GAK: variants seen among roughly 807,000 people sequenced by gnomAD.
The protein encoded by GAK is cyclin G associated kinase.
GAK carries 79 observed loss-of-function variants against 143.9 expected under a neutral mutation model. The ratio of observed to expected loss-of-function variants is 0.55; its 90% confidence interval spans 0.46 to 0.66. GAK has a LOEUF of 0.66. Ranked by LOEUF, GAK falls within the 30% of genes least tolerant of loss-of-function variation. The pLI, the probability that GAK is intolerant of heterozygous loss-of-function variation, is 0.00. For missense variants in GAK, 1,693 were observed against 1,779.7 expected, an observed-to-expected ratio of 0.95 and a Z score of 0.88; for synonymous variants, 881 against 765.5, an observed-to-expected ratio of 1.15 and a Z score of -2.49.
At position 866,538 on chromosome 4, in the gene GAK, T is replaced by TG; in HGVS notation, c.2873-5dup. 1 of 1,612,786 alleles carries TG rather than the reference T, an allele frequency of 6.2e-7. No individual in the cohort carries two copies. ...AGAAGCGGGCCAAAGGGGTCAGCTGTGGGGACAGGCGGGCATGGGGAGGAC... is the reference window on the plus strand; with the variant it reads ...AGAAGCGGGCCAAAGGGGTCAGCTGTGGGGGACAGGCGGGCATGGGGAGGAC... On this transcript the variant is annotated splice_polypyrimidine_tract_variant and splice_region_variant and intron_variant, in intron 21 of 27. Transcript: ENST00000314167.
intron 19 of GAK, chr4:869,256 T>TGC (rs1476303080): frequency 1.4e-4 from 19 of 139,836 alleles, no homozygotes; most frequent in Non-Finnish European, 2.4e-4. Flanking sequence ...AGATGCAGGG[T>TGC]ACACATGAAT....
At chr4:893,543 C>A (rs372188162) in intron 8 of GAK, 54 bp from the exon 9 acceptor site, 9 of 1,310,608 alleles carry the variant, frequency 6.9e-6, no homozygotes, top group African/African-American at 3.0e-5. Flanking sequence ...CGGGTCAGCA[C>A]CCCCTGCACT....
intron 1 of GAK, among the ~76,000 whole-genome samples, chr4:925,127 G>A (rs1724510948): frequency 6.6e-6 from 1 of 152,206 alleles, no homozygotes; most frequent in South Asian, 2.1e-4. Flanking sequence ...AGGGGAGGCT[G>A]AGCAGCAAAT....
chr4:898,223 C>G (rs146446950), intron 5 of GAK, 65 bp from the exon 6 acceptor site: 14 of 1,589,012 alleles, frequency 8.8e-6, no homozygotes, highest in African/African-American at 2.7e-5. Flanking sequence ...TCAGGGAAAA[C>G]GAACGGGTGT....
At chr4:881,295 G>C (rs1286715403) in intron 15 of GAK, among the ~76,000 whole-genome samples, 1 of 152,196 alleles carries the variant, frequency 6.6e-6, no homozygotes, top group African/African-American at 2.4e-5. Context: ...GAGGCTAGGA[G>C]GCTGCTCCAG....
intron 18 of GAK, 131 bp downstream of exon 18, chr4:876,399 G>A (rs909112289): frequency 4.0e-6 from 3 of 756,528 alleles, no homozygotes; most frequent in Admixed American, 2.1e-5. Context: ...CCCAGGAACA[G>A]GCCCAGAGCC....
In GAK at chr4:867,398, G is replaced by C; in HGVS notation, c.2430C>G (p.Ala810=). The change falls in exon 21 of 28, where the codon GCC becomes GCG. Residue 810 remains alanine, a synonymous_variant. Transcript: ENST00000314167. The part of the protein sequence containing the change: ...EKEAETGAEN[A]SSKESESALM... ...GGGCAGACTCGCTCTCCTTGGAAGA[G>C]GCATTTTCTGCACCAGTCTCTGCCT... 1 of 1,545,172 alleles carries C rather than the reference G, an allele frequency of 6.5e-7. No homozygotes were observed. Among genetic ancestry groups the C allele is most frequent in the Non-Finnish European group, 8.8e-7 (1 of 1,141,212 alleles).
Position 897,805 on chromosome 4 carries a change from T to C in GAK, c.651+228A>G, listed in dbSNP as rs574953285. On this transcript the variant is annotated intron_variant, in intron 6 of 27. Transcript: ENST00000314167. ...CCCTACCAAAAACACAAAAATTAGC[T>C]GGGCGTGGTGGTGTGTGCCTGTAAC... is the stretch of plus-strand genomic sequence containing the variant. 1.1e-4 allele frequency among the ~76,000 whole-genome samples: 17 copies of C among 152,184 alleles called. No homozygotes were observed. The East Asian group carries it at 3.1e-3, about 28-fold the overall frequency.
intron 1 of GAK, among the ~76,000 whole-genome samples, chr4:918,162 G>A (rs1723356868): frequency 6.6e-6 from 1 of 152,170 alleles, no homozygotes. Flanking sequence ...TTCATCCCAG[G>A]AATGCAAGGT....
chr4:904,258 C>T (rs57960483), intron 5 of GAK, among the ~76,000 whole-genome samples: 525 of 107,904 alleles, frequency 4.9e-3, no homozygotes, highest in East Asian at 0.014. Flanking sequence ...CCTAACCGAG[C>T]GGGACCCGCA....
intron 12 of GAK, 115 bp from the exon 13 acceptor site, chr4:883,578 A>G: frequency 8.6e-7 from 1 of 1,165,880 alleles, no homozygotes; most frequent in Non-Finnish European, 1.2e-6. Context: ...CGGCAGCTCC[A>G]CCAGCCACTG....
chr4:893,287 T>G, intron 9 of GAK, 90 bp downstream of exon 9: 1 of 919,268 alleles, frequency 1.1e-6, no homozygotes, highest in South Asian at 2.0e-5. Flanking sequence ...GGCTCACATG[T>G]GCCTCCCTCC....
chr4:871,751 G>A (rs931291150), intron 18 of GAK, among the ~76,000 whole-genome samples: 6 of 152,068 alleles, frequency 3.9e-5, no homozygotes, highest in South Asian at 2.1e-4. Context: ...TTGGCCGCAC[G>A]GGGAGGCAGG....
rs1339774451 is a variant in GAK, at chr4:926,844, C to CCCGCT, written c.145+5198_145+5199insAGCGG. Among the ~76,000 whole-genome samples, 162 of 150,878 alleles carry CCCGCT rather than the reference C, an allele frequency of 1.1e-3. 10 individuals carry two copies. The highest frequency in any genetic ancestry group is 2.6e-3 in the African/African-American group (108 of 40,934). On this transcript the variant is annotated intron_variant, in intron 1 of 27. Transcript: ENST00000314167. ...CGCTCCGCACTGCCCCGCACCCCTCCCAGCTCACCTGCGCTCCGCACTGCC... is the reference window on the plus strand; with the variant it reads ...CGCTCCGCACTGCCCCGCACCCCTCCCCGCTCAGCTCACCTGCGCTCCGCACTGCC...
intron 24 of GAK, among the ~76,000 whole-genome samples, chr4:857,826 G>A (rs1458554651): frequency 1.3e-5 from 2 of 152,164 alleles, no homozygotes; most frequent in Non-Finnish European, 1.5e-5. Flanking sequence ...CCCCCCAAAT[G>A]TCTTGTGCAG....
chr4:930,249 G>A (rs1043765372), intron 1 of GAK, among the ~76,000 whole-genome samples: 2 of 152,118 alleles, frequency 1.3e-5, no homozygotes, highest in East Asian at 1.9e-4. Context: ...AAAGTACTTA[G>A]GAGGCTGCAG....
At chr4:868,748 C>G in intron 19 of GAK, 63 bp from the exon 20 acceptor site, 4 of 1,503,794 alleles carry the variant, frequency 2.7e-6, no homozygotes, top group Admixed American at 4.1e-5. Context: ...CAACACTGAC[C>G]CCAGAGCTGG....
chr4:899,143 GA>G (rs1719371824), intron 5 of GAK, among the ~76,000 whole-genome samples: 1 of 152,192 alleles, frequency 6.6e-6, no homozygotes, highest in Admixed American at 6.5e-5. Context: ...CATCCATGTG[GA>G]ACGAAAGGAG....
At chr4:852,103 CCG>C in intron 24 of GAK, 129 bp from the exon 25 acceptor site, 1 of 832,972 alleles carries the variant, frequency 1.2e-6, no homozygotes, top group Non-Finnish European at 2.0e-6. Flanking sequence ...TCACTCGAGG[CCG>C]TCCAGAGGTG....
Sources: gnomAD v4.1 joint callset for allele counts (sites outside exome capture counted in the v4.1 genomes callset) on GRCh38, gnomAD v4.1.1 for gene constraint, MANE v1.5 for transcripts, NCBI Gene and HGNC (gene_info 2026-07-23, HGNC 2026-07-21) for gene names.